The following KIAA1328 variants were observed in gnomAD, a reference collection of about 807,000 sequenced individuals.
KIAA1328 encodes protein hinderin.
A neutral mutation model predicts 68.1 loss-of-function variants in KIAA1328; 52 were observed. The observed-to-expected ratio is 0.76, with a 90% CI of 0.61 to 0.96. KIAA1328 has a LOEUF of 0.96. Ranked by LOEUF, KIAA1328 falls within the 40% of genes least tolerant of loss-of-function variation. The probability of loss-of-function intolerance (pLI) is 0.00; values close to 1 mark genes in which losing one functional copy is unlikely to be tolerated. For synonymous variants in KIAA1328, 232 were observed against 239.4 expected (o/e 0.97, Z 0.28); for missense variants, 641 against 677.6 (o/e 0.95, Z 0.60).
At chr18:37,080,826 C>G (rs1309582265) in intron 7 of KIAA1328, among the ~76,000 whole-genome samples, 1 of 151,456 alleles carries the variant, frequency 6.6e-6, no homozygotes, top group East Asian at 1.9e-4. Context: ...GTTTCTGGTG[C>G]CTTTGTTCAT....
chr18:36,902,348 T>G (rs944339338), intron 5 of KIAA1328: 1 of 152,074 alleles, frequency 6.6e-6, no homozygotes, highest in Non-Finnish European at 1.5e-5. Flanking sequence ...TTTTTCTCCC[T>G]TTACAGATTT....
intron 6 of KIAA1328, among the ~76,000 whole-genome samples, chr18:37,022,784 T>A (rs984605705): frequency 1.3e-5 from 2 of 152,176 alleles, no homozygotes; most frequent in Admixed American, 1.3e-4. Context: ...GCGGTTTTGC[T>A]CTCATTAAAT....
intron 7 of KIAA1328, among the ~76,000 whole-genome samples, chr18:37,104,459 A>C (rs551792171): frequency 6.6e-6 from 1 of 152,326 alleles, no homozygotes; most frequent in East Asian, 1.9e-4. Context: ...GAGCTAAAAA[A>C]AGTTGAGGTA....
At chr18:36,984,302 A>G (rs1348138279) in intron 6 of KIAA1328, among the ~76,000 whole-genome samples, 1 of 152,210 alleles carries the variant, frequency 6.6e-6, no homozygotes, top group Non-Finnish European at 1.5e-5. Flanking sequence ...CAAATTGAGA[A>G]GCAAATAATA....
At chr18:36,911,368 G>A (rs145035110) in intron 5 of KIAA1328, among the ~76,000 whole-genome samples, 1,999 of 152,198 alleles carry the variant, frequency 0.013, 28 homozygotes, top group Non-Finnish European at 0.02. Context: ...CCATCAAAAG[G>A]CATGACATTC....
At chr18:37,000,543 AC>A (rs2053550506) in intron 6 of KIAA1328, among the ~76,000 whole-genome samples, 1 of 152,138 alleles carries the variant, frequency 6.6e-6, no homozygotes, top group Non-Finnish European at 1.5e-5. Flanking sequence ...TGCAGAATAT[AC>A]ATTCCTTTCA....
chr18:37,123,900 G>C (rs1316833401), intron 7 of KIAA1328, among the ~76,000 whole-genome samples: 1 of 152,128 alleles, frequency 6.6e-6, no homozygotes, highest in Non-Finnish European at 1.5e-5. Context: ...GGATAGTAAA[G>C]GTTCCTGTTA....
At chr18:37,038,922 T>G (rs2055136884) in intron 6 of KIAA1328, among the ~76,000 whole-genome samples, 1 of 152,166 alleles carries the variant, frequency 6.6e-6, no homozygotes, top group Admixed American at 6.6e-5. Context: ...TTATCATAAG[T>G]AGATGTTAAA....
chr18:37,190,347 G>A (rs906104701), intron 9 of KIAA1328, among the ~76,000 whole-genome samples: 1 of 152,096 alleles, frequency 6.6e-6, no homozygotes, highest in Admixed American at 6.6e-5. Context: ...TAAAATATGT[G>A]CTATATTCTA....
At chr18:37,017,642 G>A (rs2054197379) in intron 6 of KIAA1328, among the ~76,000 whole-genome samples, 1 of 152,078 alleles carries the variant, frequency 6.6e-6, no homozygotes, top group Non-Finnish European at 1.5e-5. Flanking sequence ...GAATCTGGGT[G>A]CTCCAATGTT....
intron 4 of KIAA1328, among the ~76,000 whole-genome samples, chr18:36,883,510 T>C (rs538025514): frequency 6.6e-6 from 1 of 152,312 alleles, no homozygotes; most frequent in South Asian, 2.1e-4. Flanking sequence ...TCCCTCACAG[T>C]GTCCCACATG....
intron 5 of KIAA1328, among the ~76,000 whole-genome samples, chr18:36,957,569 G>A (rs1004539912): frequency 6.6e-6 from 1 of 152,044 alleles, no homozygotes; most frequent in Non-Finnish European, 1.5e-5. Flanking sequence ...CATGTTCTTT[G>A]TACCAAATTA....
chr18:36,903,174 C>A (rs1475872754), intron 5 of KIAA1328, among the ~76,000 whole-genome samples: 4 of 151,958 alleles, frequency 2.6e-5, no homozygotes, highest in Non-Finnish European at 5.9e-5. Flanking sequence ...GTGGTATATT[C>A]ATGTTTTTCA....
intron 5 of KIAA1328, among the ~76,000 whole-genome samples, chr18:36,949,597 T>TCCCCCCCCCCCCCC (rs71168248): frequency 1.6e-4 from 9 of 57,352 alleles, no homozygotes; most frequent in African/African-American, 4.0e-4. Flanking sequence ...TCTACCCAGC[T>TCCCCCCCCCCCCCC]CCCCCCCCCC....
chr18:36,884,175 A>C (rs972830671), intron 4 of KIAA1328, among the ~76,000 whole-genome samples: 1 of 151,960 alleles, frequency 6.6e-6, no homozygotes, highest in African/African-American at 2.4e-5. Flanking sequence ...AAGGGAAGGC[A>C]TTGTAAAGAG....
chr18:36,953,475 C>G (rs1467177135), intron 5 of KIAA1328, among the ~76,000 whole-genome samples: 1 of 150,024 alleles, frequency 6.7e-6, no homozygotes, highest in South Asian at 2.1e-4. Flanking sequence ...GAAATATATA[C>G]ATATGTAATA....
chr18:37,103,246 C>T (rs1037698938), intron 7 of KIAA1328, among the ~76,000 whole-genome samples: 10 of 152,124 alleles, frequency 6.6e-5, no homozygotes, highest in African/African-American at 2.4e-4. Flanking sequence ...CACTACCTGA[C>T]TTCAAGGTAT....
chr18:36,865,204 T>C (rs2047709092), intron 4 of KIAA1328, among the ~76,000 whole-genome samples: 1 of 152,126 alleles, frequency 6.6e-6, no homozygotes. Flanking sequence ...ACTTTTACTG[T>C]ACCCTACCTA....
In KIAA1328 at chr18:36,959,232, G is replaced by A. The variant is rs778307072; in HGVS notation, c.449-76G>A. On this transcript the variant is annotated intron_variant, in intron 5 of 9. Transcript: ENST00000280020. Reference sequence around the variant, plus strand: ...CATTTCTGGTTCTGTTTTGTTTATTGGAATATGAAAAGCAGCATTGATGGA... The same window carrying A: ...CATTTCTGGTTCTGTTTTGTTTATTAGAATATGAAAAGCAGCATTGATGGA... The A allele has an allele frequency of 1.8e-4, 238 of 1,348,018 alleles. No homozygotes were observed. The highest frequency in any genetic ancestry group is 2.3e-4 in the Non-Finnish European group (236 of 1,008,690). 83.5% of individuals were successfully genotyped at this position (1,348,018 alleles called of 1,614,324 possible).
Sources: gnomAD v4.1 joint callset for allele counts (sites outside exome capture counted in the v4.1 genomes callset) on GRCh38, gnomAD v4.1.1 for gene constraint, MANE v1.5 for transcripts, NCBI Gene and HGNC (gene_info 2026-07-23, HGNC 2026-07-21) for gene names.